APBA1: variants seen among roughly 807,000 people sequenced by gnomAD.
APBA1 encodes amyloid beta precursor protein binding family A member 1.
A neutral mutation model predicts 86.6 loss-of-function variants in APBA1; 55 were observed. The observed-to-expected ratio is 0.64, with a 90% CI of 0.51 to 0.80. The LOEUF is 0.80. Among genes scored for constraint, APBA1 ranks in the 30% least tolerant of loss-of-function variants. The probability of loss-of-function intolerance (pLI) is 0.00; values close to 1 mark genes in which losing one functional copy is unlikely to be tolerated. For missense variants in APBA1, 1,090 were observed against 1,183.0 expected (o/e 0.92, Z 1.15); for synonymous variants, 511 against 493.9 (o/e 1.03, Z -0.46).
intron 2 of APBA1, among the ~76,000 whole-genome samples, chr9:69,484,028 C>T (rs542181224): frequency 6.6e-6 from 1 of 151,952 alleles, no homozygotes; most frequent in Admixed American, 6.5e-5. Context: ...TGGATATGTA[C>T]GATTCTATTT....
rs542336540 is a variant in APBA1, at chr9:69,623,405, T to C, written c.-70+48748A>G. ...TCTCTGTTAAAAAGCAGAAAACTTA[T>C]GGACGAGTGGTACTTTTAGCTTTTG... On this transcript the variant is annotated intron_variant, in intron 1 of 12. Coordinates refer to ENST00000265381, the MANE Select transcript of APBA1 (RefSeq NM_001163.4). 2.6e-5 allele frequency among the ~76,000 whole-genome samples: 4 copies of C among 152,170 alleles called. No homozygotes were observed. The South Asian group carries it at 6.2e-4, about 24-fold the overall frequency.
chr9:69,658,284 C>CTCTTTCTTTCTTTCTTTCTT (rs1564104912), intron 1 of APBA1, among the ~76,000 whole-genome samples: 1 of 75,482 alleles, frequency 1.3e-5, no homozygotes. Context: ...TTCTTTCTTT[C>CTCTTTCTTTCTTTCTTTCTT]TCTCTCTCTT....
At chr9:69,482,868 G>T (rs140835845) in intron 2 of APBA1, among the ~76,000 whole-genome samples, 6,588 of 149,638 alleles carry the variant, frequency 0.044, 504 homozygotes, top group African/African-American at 0.15. Context: ...GTAAACTATC[G>T]CAAGAACAAA....
chr9:69,599,028 T>C (rs866122535), intron 1 of APBA1, among the ~76,000 whole-genome samples: 12 of 152,144 alleles, frequency 7.9e-5, no homozygotes, highest in Non-Finnish European at 1.6e-4. Context: ...GTCAAATTCA[T>C]AGAGCAAAAA....
intron 3 of APBA1, among the ~76,000 whole-genome samples, chr9:69,474,601 C>T (rs183979197): frequency 1.2e-3 from 189 of 152,264 alleles, no homozygotes; most frequent in African/African-American, 4.0e-3. Context: ...AACTGTGGAA[C>T]GGTGGGAACA....
chr9:69,583,750 G>A (rs1821962444), intron 1 of APBA1, among the ~76,000 whole-genome samples: 1 of 152,162 alleles, frequency 6.6e-6, no homozygotes, highest in Non-Finnish European at 1.5e-5. Flanking sequence ...GACCTCCTCT[G>A]CCCCAATTAG....
At chr9:69,487,743 C>A (rs1294883591) in intron 2 of APBA1, among the ~76,000 whole-genome samples, 1 of 152,034 alleles carries the variant, frequency 6.6e-6, no homozygotes, top group African/African-American at 2.4e-5. Context: ...TCCCCACTAG[C>A]AAGAAAACCC....
intron 1 of APBA1, among the ~76,000 whole-genome samples, chr9:69,539,407 A>C (rs561486065): frequency 1.3e-5 from 2 of 152,214 alleles, no homozygotes; most frequent in African/African-American, 4.8e-5. Context: ...ATTATCTTTT[A>C]ATCCTTTTTT....
At chr9:69,543,142 G>T (rs374233995) in intron 1 of APBA1, among the ~76,000 whole-genome samples, 1 of 152,238 alleles carries the variant, frequency 6.6e-6, no homozygotes. Flanking sequence ...GCACTCAATG[G>T]ATTTAAAACA....
At chr9:69,596,321 T>C (rs558745485) in intron 1 of APBA1, among the ~76,000 whole-genome samples, 1 of 152,326 alleles carries the variant, frequency 6.6e-6, no homozygotes, top group East Asian at 1.9e-4. Flanking sequence ...ATTCTGCTGA[T>C]ATTTTTCTTT....
chr9:69,477,129 G>A (rs1043596067), intron 2 of APBA1, among the ~76,000 whole-genome samples: 15 of 152,158 alleles, frequency 9.9e-5, no homozygotes, highest in African/African-American at 2.4e-4. Context: ...CAAGATGGCC[G>A]AATAGGAACA....
At chr9:69,586,867 C>G (rs970157948) in intron 1 of APBA1, among the ~76,000 whole-genome samples, 1 of 152,164 alleles carries the variant, frequency 6.6e-6, no homozygotes, top group Non-Finnish European at 1.5e-5. Flanking sequence ...TTAGCTCTCT[C>G]CTTAGTCAAC....
At position 69,605,421 on chromosome 9, in the gene APBA1, G is replaced by T. The variant is rs1303391990; in HGVS notation, c.-70+66732C>A. 2.6e-5 allele frequency among the ~76,000 whole-genome samples: 4 copies of T among 152,138 alleles called. No individual in the cohort carries two copies. The East Asian group carries it at 7.7e-4, about 29-fold the overall frequency. On this transcript the variant is annotated intron_variant, in intron 1 of 12. Coordinates refer to ENST00000265381, the MANE Select transcript of APBA1 (RefSeq NM_001163.4). ...AACAAACCTACAAAGCCAATAATCT[G>T]CCATGCAACATATTGTTGAAATTAG...
chr9:69,542,963 G>A (rs922688631), intron 1 of APBA1, among the ~76,000 whole-genome samples: 1 of 152,198 alleles, frequency 6.6e-6, no homozygotes, highest in African/African-American at 2.4e-5. Flanking sequence ...TTCCTTGCAG[G>A]AGAAATCAGC....
At chr9:69,619,426 G>C (rs1822769307) in intron 1 of APBA1, among the ~76,000 whole-genome samples, 1 of 152,184 alleles carries the variant, frequency 6.6e-6, no homozygotes, top group South Asian at 2.1e-4. Flanking sequence ...GTGTGACCTT[G>C]TGCAAACTGC....
At chr9:69,598,700 G>A (rs1373897748) in intron 1 of APBA1, among the ~76,000 whole-genome samples, 1 of 152,146 alleles carries the variant, frequency 6.6e-6, no homozygotes, top group Non-Finnish European at 1.5e-5. Flanking sequence ...AAGAGGACAA[G>A]GTTCTTGTAG....
intron 2 of APBA1, among the ~76,000 whole-genome samples, chr9:69,477,031 G>C (rs1223186901): frequency 2.0e-5 from 3 of 152,240 alleles, no homozygotes; most frequent in African/African-American, 7.2e-5. Flanking sequence ...AAACATTGTT[G>C]TGTGCTTCTG....
intron 1 of APBA1, among the ~76,000 whole-genome samples, chr9:69,593,243 C>T (rs1429493503): frequency 6.6e-6 from 1 of 151,192 alleles, no homozygotes; most frequent in African/African-American, 2.5e-5. Context: ...TATTTGGAGG[C>T]TGATATAAAT....
At chr9:69,536,010 A>C (rs2133911950) in intron 1 of APBA1, among the ~76,000 whole-genome samples, 1 of 149,806 alleles carries the variant, frequency 6.7e-6, no homozygotes, top group South Asian at 2.1e-4. Flanking sequence ...TTCATACTTA[A>C]AAATAAAGGA....
Sources: gnomAD v4.1 joint callset for allele counts (sites outside exome capture counted in the v4.1 genomes callset) on GRCh38, gnomAD v4.1.1 for gene constraint, MANE v1.5 for transcripts, NCBI Gene and HGNC (gene_info 2026-07-23, HGNC 2026-07-21) for gene names.